The following PVT1 variants were observed in gnomAD, a reference collection of about 807,000 sequenced individuals.
PVT1 encodes the protein CXCR4/PVT1 fusion.
intron 2 of PVT1, among the ~76,000 whole-genome samples, chr8:127,826,386 C>A (rs1244337402): frequency 6.6e-6 from 1 of 152,096 alleles, no homozygotes. Context: ...TGGAGTCCAC[C>A]AGACCTGATG....
intron 2 of PVT1, among the ~76,000 whole-genome samples, chr8:127,844,074 C>G (rs956401354): frequency 6.6e-6 from 1 of 151,890 alleles, no homozygotes; most frequent in Non-Finnish European, 1.5e-5. Flanking sequence ...GCTCTGCCTC[C>G]CGGGTTCATG....
rs75567566 is a variant in PVT1 at position 128,017,861 on chromosome 8, G to A, written n.912+28570G>A. Reference sequence around the variant, plus strand: ...GGGGCTCTCACTCCTTGTGTCGGGGGTGATGCCACATGTGGCCCAGCTGTA... The same window carrying A: ...GGGGCTCTCACTCCTTGTGTCGGGGATGATGCCACATGTGGCCCAGCTGTA... On this transcript the variant is annotated intron_variant and non_coding_transcript_variant, in intron 4 of 10. Transcript: ENST00000651587. Among the ~76,000 whole-genome samples, 212 of 152,298 alleles carry A rather than the reference G, an allele frequency of 1.4e-3. 4 individuals are homozygous for A. Among genetic ancestry groups the A allele is most frequent in the Non-Finnish European group, 4.3e-4 (29 of 68,024 alleles).
chr8:127,901,609 G>A (rs1815759883), intron 3 of PVT1, among the ~76,000 whole-genome samples: 1 of 152,052 alleles, frequency 6.6e-6, no homozygotes, highest in African/African-American at 2.4e-5. Flanking sequence ...AGACAGTCTT[G>A]ATATGTTGCC....
At chr8:127,958,206 T>A (rs1231391718) in intron 3 of PVT1, among the ~76,000 whole-genome samples, 2 of 152,184 alleles carry the variant, frequency 1.3e-5, no homozygotes, top group African/African-American at 4.8e-5. Flanking sequence ...TCATACTTTC[T>A]GTTTTTTTCT....
At position 128,077,599 on chromosome 8, in the gene PVT1, G is replaced by A. The variant is rs548532115; in HGVS notation, n.1114+7238G>A. ...AGATAAACCAAAAAGGCAGTACCAC[G>A]AATAGAGAAAATGTCATTAGGAAGG... On this transcript the variant is annotated intron_variant and non_coding_transcript_variant, in intron 5 of 10. Coordinates refer to ENST00000651587, the Ensembl canonical transcript of PVT1. 3.3e-5 allele frequency among the ~76,000 whole-genome samples: 5 copies of A among 152,250 alleles called. No individual in the cohort carries two copies. The East Asian group carries it at 7.7e-4, about 23-fold the overall frequency.
chr8:128,096,636 C>G (rs1296514703), exon 6 of PVT1: 1 of 152,268 alleles, frequency 6.6e-6, no homozygotes. Context: ...GATGAAGACC[C>G]AGCTTGGGGC....
At chr8:127,938,861 A>G (rs1054741398) in intron 3 of PVT1, among the ~76,000 whole-genome samples, 4 of 152,220 alleles carry the variant, frequency 2.6e-5, no homozygotes, top group Admixed American at 1.3e-4. Flanking sequence ...ATGCTCACAC[A>G]GGGAAGTTGG....
intron 2 of PVT1, among the ~76,000 whole-genome samples, chr8:127,826,231 T>TG (rs1457109814): frequency 2.6e-5 from 4 of 151,932 alleles, no homozygotes; most frequent in Non-Finnish European, 4.4e-5. Flanking sequence ...TTGGTTTTGT[T>TG]TTCTGTAAAA....
intron 2 of PVT1, among the ~76,000 whole-genome samples, chr8:127,850,300 C>T (rs1300137139): frequency 2.6e-5 from 4 of 152,098 alleles, no homozygotes; most frequent in African/African-American, 9.7e-5. Context: ...GTACTTTGGC[C>T]TGGAAAAGGA....
intron 2 of PVT1, among the ~76,000 whole-genome samples, chr8:127,806,321 T>C (rs1814526451): frequency 6.6e-6 from 1 of 152,044 alleles, no homozygotes; most frequent in East Asian, 1.9e-4. Context: ...ATTAGCTGGG[T>C]GTGGTGGCGT....
intron 3 of PVT1, among the ~76,000 whole-genome samples, chr8:127,970,694 A>G (rs558724399): frequency 6.6e-5 from 10 of 152,224 alleles, no homozygotes; most frequent in African/African-American, 2.4e-4. Context: ...ATCGTTGGTT[A>G]TGGGCACTTT....
At chr8:128,091,206 G>A (rs749299715) in intron 5 of PVT1, among the ~76,000 whole-genome samples, 3 of 152,052 alleles carry the variant, frequency 2.0e-5, no homozygotes, top group African/African-American at 4.8e-5. Flanking sequence ...GGACTGTCCC[G>A]GCCTGGCAGG....
At position 127,813,314 on chromosome 8, in the gene PVT1, G is replaced by A. The variant is rs545166879; in HGVS notation, n.372+17243G>A. Among the ~76,000 whole-genome samples the A allele has an allele frequency of 1.0e-4, 15 of 150,180 alleles. No homozygotes were observed. The East Asian group carries it at 2.9e-3, about 29-fold the overall frequency. On this transcript the variant is annotated intron_variant and non_coding_transcript_variant, in intron 2 of 10. Coordinates refer to ENST00000651587, the Ensembl canonical transcript of PVT1. The stretch of plus-strand genomic sequence containing the variant: ...ATGTCATGGTGATGGGAAGACTGGG[G>A]GAGGAGAGGAGCAGTTTAATCCCAG...
At chr8:128,001,060 GTTCAACT>G (rs1220682978) in intron 4 of PVT1, among the ~76,000 whole-genome samples, 5 of 152,180 alleles carry the variant, frequency 3.3e-5, no homozygotes, top group Admixed American at 2.0e-4. Flanking sequence ...CCTTTGCTCA[GTTCAACT>G]TGAAGCAGGT....
chr8:127,907,674 A>G (rs1028610380), intron 3 of PVT1, among the ~76,000 whole-genome samples: 6 of 152,208 alleles, frequency 3.9e-5, no homozygotes, highest in Admixed American at 2.6e-4. Context: ...GCCAATGATC[A>G]GATTTGGGTC....
chr8:128,003,231 CTTCCTTCCTTCCTTCT>C (rs201763926), intron 4 of PVT1, among the ~76,000 whole-genome samples: 2,864 of 116,618 alleles, frequency 0.025, 55 homozygotes, highest in Middle Eastern at 0.052. Context: ...CCCTCCCTTT[CTTCCTTCCTTCCTTCT>C]TTCCTTCCTT....
At chr8:127,926,956 TC>T (rs1816137254) in intron 3 of PVT1, among the ~76,000 whole-genome samples, 2 of 152,122 alleles carry the variant, frequency 1.3e-5, no homozygotes, top group Admixed American at 1.3e-4. Context: ...TTGGCACTGT[TC>T]CCCCCTTCCT....
At chr8:127,904,938 G>A (rs999264991) in intron 3 of PVT1, among the ~76,000 whole-genome samples, 1 of 152,222 alleles carries the variant, frequency 6.6e-6, no homozygotes, top group Non-Finnish European at 1.5e-5. Flanking sequence ...GTATGTCCAA[G>A]GAGCTGGTCC....
At chr8:128,090,728 C>T (rs183001956) in intron 5 of PVT1, among the ~76,000 whole-genome samples, 38 of 152,258 alleles carry the variant, frequency 2.5e-4, no homozygotes, top group Non-Finnish European at 2.2e-4. Flanking sequence ...TCATTACCAC[C>T]CTAGGACCTG....
Sources: gnomAD v4.1 joint callset for allele counts (sites outside exome capture counted in the v4.1 genomes callset) on GRCh38, gnomAD v4.1.1 for gene constraint, MANE v1.5 for transcripts, NCBI Gene and HGNC (gene_info 2026-07-23, HGNC 2026-07-21) for gene names.